The following NDE1 variants were observed in gnomAD, a reference collection of about 807,000 sequenced individuals.
NDE1 encodes nuclear distribution protein nudE homolog 1.
Under a neutral mutation model 43.4 loss-of-function variants are expected in NDE1, and 28 were observed. That is an observed-to-expected ratio of 0.65 (90% CI 0.48 to 0.89). NDE1 has a LOEUF of 0.89. Among genes scored for constraint, NDE1 ranks in the 40% least tolerant of loss-of-function variants. The pLI, the probability that NDE1 is intolerant of heterozygous loss-of-function variation, is 0.00. For missense variants in NDE1, 441 were observed against 434.1 expected (o/e 1.02, Z -0.14); for synonymous variants, 184 against 172.0 (o/e 1.07, Z -0.55).
In NDE1 at chr16:15,718,412, C is replaced by T. The variant is rs1326687858; in HGVS notation, c.948-5779C>T. ...CAGCTGGGCGATCCGGGCCTCCAGG[C>T]GGCGCTTCTCGTCCTGGAGTGCGTT... On this transcript the variant is annotated intron_variant, in intron 8 of 8. Transcript: ENST00000396354. 2 of 1,584,322 alleles carry T rather than the reference C, an allele frequency of 1.3e-6. No homozygotes were observed. Among genetic ancestry groups the T allele is most frequent in the East Asian group, 2.3e-5 (1 of 44,238 alleles).
chr16:15,695,459 G>T, intron 7 of NDE1: 1 of 971,096 alleles, frequency 1.0e-6, no homozygotes, highest in Non-Finnish European at 1.2e-6. Flanking sequence ...AGTGAGCTGA[G>T]ATCGCACCGC....
At chr16:15,718,125 G>A in intron 8 of NDE1, 1 of 855,496 alleles carries the variant, frequency 1.2e-6, no homozygotes, top group African/African-American at 1.7e-5. Context: ...GTGGAGAGGA[G>A]TATTCTGAAG....
chr16:15,671,407 G>A (rs1029339845), intron 3 of NDE1, among the ~76,000 whole-genome samples: 1 of 152,144 alleles, frequency 6.6e-6, no homozygotes, highest in African/African-American at 2.4e-5. Flanking sequence ...CTACTCAAGA[G>A]GCTGAGGCAG....
intron 8 of NDE1, chr16:15,717,794 CA>C (rs200605550): frequency 1.4e-4 from 36 of 254,110 alleles, no homozygotes; most frequent in South Asian, 2.6e-4. Flanking sequence ...ACCCTGTCTC[CA>C]AAAAAAAGAG....
At chr16:15,691,398 G>A in intron 6 of NDE1, 75 bp downstream of exon 6, 1 of 1,510,062 alleles carries the variant, frequency 6.6e-7, no homozygotes, top group Non-Finnish European at 9.0e-7. Flanking sequence ...GTGGGTCCTG[G>A]GGGTGTGATG....
chr16:15,714,868 G>A (rs1260374886), intron 8 of NDE1: 1 of 1,611,038 alleles, frequency 6.2e-7, no homozygotes, highest in African/African-American at 1.3e-5. Context: ...GCTTTTCTCT[G>A]GCCTGAGAGA....
chr16:15,681,897 G>A (rs1335249532), intron 4 of NDE1, among the ~76,000 whole-genome samples: 6 of 151,882 alleles, frequency 4.0e-5, no homozygotes, highest in South Asian at 2.1e-4. Context: ...TATTTTTAGC[G>A]GAGATGGGGT....
At position 15,691,244 on chromosome 16, in the gene NDE1, C is replaced by T. The variant is rs149046258; in HGVS notation, c.624C>T (p.Ala208=). The T allele has an allele frequency of 4.5e-5, 73 of 1,614,082 alleles. No homozygotes were observed. The highest frequency in any genetic ancestry group is 6.1e-5 in the Non-Finnish European group (72 of 1,180,046). Residue 208 remains alanine (A), a synonymous_variant, in exon 6 of 9, where the codon GCC becomes GCT. Coordinates refer to ENST00000396354, the MANE Select transcript of NDE1 (RefSeq NM_017668.3). Reference sequence around the variant, plus strand: ...AGAGGACAGACACAGCTGTGCAGGCCACGGGCTCCGTGCCGTCCACGCCCA... The same window carrying T: ...AGAGGACAGACACAGCTGTGCAGGCTACGGGCTCCGTGCCGTCCACGCCCA... ...EAERTDTAVQ[A]TGSVPSTPIA...
chr16:15,664,134 C>T (rs958480377), intron 1 of NDE1, among the ~76,000 whole-genome samples: 7 of 152,082 alleles, frequency 4.6e-5, no homozygotes, highest in Admixed American at 1.3e-4. Context: ...CCCACTCCCT[C>T]CACCAGACTG....
At chr16:15,693,003 CTTTT>C (rs570029318) in intron 6 of NDE1, among the ~76,000 whole-genome samples, 2 of 130,896 alleles carry the variant, frequency 1.5e-5, no homozygotes, top group Admixed American at 1.5e-4. Flanking sequence ...TTCTTTCTCT[CTTTT>C]TTTTTTTTTT....
At chr16:15,718,110 G>T in intron 8 of NDE1, 3 of 766,362 alleles carry the variant, frequency 3.9e-6, no homozygotes, top group South Asian at 3.5e-5. Flanking sequence ...ATGAGACACT[G>T]CAGCGTGGAG....
chr16:15,703,580 G>C, intron 8 of NDE1: 1 of 369,912 alleles, frequency 2.7e-6, no homozygotes, highest in Non-Finnish European at 5.1e-6. Flanking sequence ...TGAATACAGG[G>C]GTAGTAGGGG....
intron 8 of NDE1, chr16:15,703,323 G>A (rs949586919): frequency 3.0e-5 from 7 of 230,906 alleles, no homozygotes; most frequent in Non-Finnish European, 5.2e-5. Flanking sequence ...ATTCTCAAAG[G>A]CCTGACGTGA....
intron 4 of NDE1, among the ~76,000 whole-genome samples, chr16:15,678,295 C>T (rs955527320): frequency 1.3e-5 from 2 of 152,092 alleles, no homozygotes; most frequent in East Asian, 3.9e-4. Context: ...GGGTGTGAGA[C>T]AAGAACATTC....
rs2037229492 is a variant in NDE1 at position 15,664,971 on chromosome 16, C to T, written c.83+110C>T. 3.6e-6 allele frequency: 3 copies of T among 823,006 alleles called. 1 individual carries two copies. The highest frequency in any genetic ancestry group is 5.0e-5 in the East Asian group (2 of 39,730). 51.0% of individuals were successfully genotyped at this position (823,006 alleles called of 1,614,324 possible). A position where few individuals can be genotyped will look rare whatever the true frequency, so the allele number is the denominator to read the frequency against. ...TGTTCCTAGGCGTGATCATAGTGCACAGCCGCCTTAAACTCCTGGGCTTAA... is the reference window on the plus strand; with the variant it reads ...TGTTCCTAGGCGTGATCATAGTGCATAGCCGCCTTAAACTCCTGGGCTTAA... On this transcript the variant is annotated intron_variant, in intron 2 of 8. Coordinates refer to ENST00000396354, the MANE Select transcript of NDE1 (RefSeq NM_017668.3).
chr16:15,660,432 C>A (rs1444307811), intron 1 of NDE1, among the ~76,000 whole-genome samples: 1 of 152,012 alleles, frequency 6.6e-6, no homozygotes, highest in East Asian at 1.9e-4. Context: ...ATGATTGTGT[C>A]ACTGCACTCC....
At position 15,704,102 on chromosome 16, in the gene NDE1, G is replaced by T. The variant is rs145505544; in HGVS notation, c.947+7242G>T. The T allele has an allele frequency of 1.2e-6, 2 of 1,614,080 alleles. No homozygotes were observed. The highest frequency in any genetic ancestry group is 1.7e-6 in the Non-Finnish European group (2 of 1,180,010). On this transcript the variant is annotated intron_variant, in intron 8 of 8. Coordinates refer to ENST00000396354, the MANE Select transcript of NDE1 (RefSeq NM_017668.3). ...GTCCTCCAGACCTTCTAGAAGGAAC[G>T]AAAGAGGTCTCGTTTCCTCGCCTGT...
chr16:15,684,426 C>G (rs972448720), intron 4 of NDE1: 1 of 151,878 alleles, frequency 6.6e-6, no homozygotes, highest in African/African-American at 2.4e-5. Context: ...AATGCTGTCT[C>G]TACTAAAAAT....
rs1555552121 is a variant in NDE1, at chr16:15,721,417, C to G, written c.948-2774C>G. 6.2e-7 allele frequency: 1 copy of G among 1,614,102 alleles called. No individual in the cohort carries two copies. The highest frequency in any genetic ancestry group is 8.5e-7 in the Non-Finnish European group (1 of 1,179,962). On this transcript the variant is annotated intron_variant, in intron 8 of 8. Transcript: ENST00000396354. ...GGACGAGAAAAACCACCCAGAGCCA[C>G]TTACGTTCTTGCCCACGTCATCCTT...
Sources: allele counts gnomAD v4.1 joint callset (sites outside exome capture counted in the v4.1 genomes callset), GRCh38; gene constraint gnomAD v4.1.1; transcripts MANE v1.5; gene names NCBI Gene and HGNC (gene_info 2026-07-23, HGNC 2026-07-21).